Variants in UST observed in about 807,000 individuals in gnomAD.
UST encodes the protein uronyl 2-sulfotransferase, also known as chondroitin sulfate 2-O-sulfotransferase.
Under a neutral mutation model 45.6 loss-of-function variants are expected in UST, and 21 were observed. That is an observed-to-expected ratio of 0.46 (90% confidence interval 0.33 to 0.66). UST has a LOEUF of 0.66. UST is among the 30% of genes least tolerant of loss of function. UST has a pLI of 0.02. For missense variants in UST, 463 were observed against 512.4 expected, an observed-to-expected ratio of 0.90 and a Z score of 0.93; for synonymous variants, 215 against 200.6, an observed-to-expected ratio of 1.07 and a Z score of -0.61.
intron 1 of UST, among the ~76,000 whole-genome samples, chr6:148,802,676 T>G (rs1562262539): frequency 6.6e-6 from 1 of 152,138 alleles, no homozygotes; most frequent in Non-Finnish European, 1.5e-5. Flanking sequence ...AGGGCCAGGG[T>G]GGGAGGAAAT....
chr6:148,956,477 C>A (rs753466169), intron 4 of UST, among the ~76,000 whole-genome samples: 1 of 152,096 alleles, frequency 6.6e-6, no homozygotes, highest in Non-Finnish European at 1.5e-5. Context: ...GGGGAAACCA[C>A]CCCATGATTC....
chr6:148,978,711 T>C (rs1781071603), intron 5 of UST, among the ~76,000 whole-genome samples: 1 of 152,032 alleles, frequency 6.6e-6, no homozygotes, highest in Non-Finnish European at 1.5e-5. Flanking sequence ...TTAGGACAAA[T>C]ACCTAATACA....
intron 1 of UST, among the ~76,000 whole-genome samples, chr6:148,809,272 TA>T (rs1270066343): frequency 2.6e-5 from 4 of 152,122 alleles, no homozygotes; most frequent in Admixed American, 6.5e-5. Context: ...TCAGAAGTCT[TA>T]ATCTGTCACA....
At chr6:148,846,587 T>TA (rs1582848699) in intron 1 of UST, among the ~76,000 whole-genome samples, 1 of 150,378 alleles carries the variant, frequency 6.6e-6, no homozygotes, top group Non-Finnish European at 1.5e-5. Flanking sequence ...CCCTAAAACT[T>TA]AAAGTATAAT....
chr6:148,977,644 C>T (rs1427329555), intron 5 of UST, among the ~76,000 whole-genome samples: 5 of 149,742 alleles, frequency 3.3e-5, no homozygotes, highest in African/African-American at 9.9e-5. Context: ...CCCAGCTACT[C>T]GGGAGGCTGA....
chr6:148,841,734 A>C (rs1041897058), intron 1 of UST, among the ~76,000 whole-genome samples: 1 of 152,220 alleles, frequency 6.6e-6, no homozygotes, highest in African/African-American at 2.4e-5. Flanking sequence ...TAAGTCTCTG[A>C]AGAATAAGAA....
At chr6:148,840,309 T>C (rs1777865082) in intron 1 of UST, among the ~76,000 whole-genome samples, 1 of 152,166 alleles carries the variant, frequency 6.6e-6, no homozygotes, top group Non-Finnish European at 1.5e-5. Flanking sequence ...CTCAGCCCCA[T>C]GTGAATCCAA....
intron 7 of UST, among the ~76,000 whole-genome samples, chr6:149,022,777 G>A (rs969786457): frequency 1.3e-5 from 2 of 152,132 alleles, no homozygotes; most frequent in East Asian, 1.9e-4. Context: ...GGTCAAGGTG[G>A]CCCTACCACC....
chr6:148,828,638 GGAGAGAGGACTAAATGAATTT>G (rs1452241525), intron 1 of UST, among the ~76,000 whole-genome samples: 1 of 152,180 alleles, frequency 6.6e-6, no homozygotes, highest in African/African-American at 2.4e-5. Context: ...CCTGTAAAAT[GGAGAGAGGACTAAATGAATTT>G]ATGCACATAA....
At chr6:148,943,623 G>A (rs1019287432) in intron 3 of UST, among the ~76,000 whole-genome samples, 1 of 152,176 alleles carries the variant, frequency 6.6e-6, no homozygotes. Context: ...TGGTTGGCTT[G>A]TCTGGAAGCC....
At chr6:148,962,944 T>A (rs1780695175) in intron 4 of UST, among the ~76,000 whole-genome samples, 1 of 152,268 alleles carries the variant, frequency 6.6e-6, no homozygotes, top group South Asian at 2.1e-4. Context: ...CGTTAACAAC[T>A]GAGAGGCACA....
At chr6:149,033,533 T>C (rs1394450985) in intron 7 of UST, among the ~76,000 whole-genome samples, 1 of 152,180 alleles carries the variant, frequency 6.6e-6, no homozygotes, top group African/African-American at 2.4e-5. Context: ...TTGCTGGGGA[T>C]TTTTATGTGT....
rs1003339410 is a variant in UST at position 149,005,185 on chromosome 6, T to A, written c.682-13954T>A. 4 of 483,814 alleles carry A rather than the reference T, an allele frequency of 8.3e-6. No individual in the cohort carries two copies. In the African/African-American group the frequency reaches 8.4e-5, roughly 10 times the overall value. 30.0% of individuals were successfully genotyped at this position (483,814 alleles called of 1,614,324 possible). A position where few individuals can be genotyped will look rare whatever the true frequency, so the allele number is the denominator to read the frequency against. On this transcript the variant is annotated intron_variant, in intron 5 of 7. Transcript: ENST00000367463. Reference sequence around the variant, plus strand: ...CAGGCGAAGCAGAGCTCTTCTGGCTTGGGTAGGGCAGGAGGTCTTGGAGCC... The same window carrying A: ...CAGGCGAAGCAGAGCTCTTCTGGCTAGGGTAGGGCAGGAGGTCTTGGAGCC...
At chr6:149,031,632 T>TC (rs1320604930) in intron 7 of UST, among the ~76,000 whole-genome samples, 2 of 152,250 alleles carry the variant, frequency 1.3e-5, no homozygotes, top group Non-Finnish European at 2.9e-5. Flanking sequence ...AAATAGAACT[T>TC]CCTTCACAGA....
At chr6:148,838,525 T>C (rs1777833367) in intron 1 of UST, among the ~76,000 whole-genome samples, 1 of 150,636 alleles carries the variant, frequency 6.6e-6, no homozygotes, top group African/African-American at 2.5e-5. Flanking sequence ...CCTGGGATGC[T>C]GTTGCTGTTG....
intron 5 of UST, among the ~76,000 whole-genome samples, chr6:149,016,969 A>G (rs1764722119): frequency 6.6e-6 from 1 of 152,218 alleles, no homozygotes; most frequent in Admixed American, 6.5e-5. Context: ...GACACCCTCA[A>G]ATGTGAGCAG....
intron 5 of UST, among the ~76,000 whole-genome samples, chr6:148,969,642 C>T (rs1475995089): frequency 6.6e-6 from 1 of 152,184 alleles, no homozygotes; most frequent in Non-Finnish European, 1.5e-5. Flanking sequence ...CCGTTACTGG[C>T]TCCACATGAC....
At chr6:148,963,478 T>A (rs1780712519) in intron 4 of UST, among the ~76,000 whole-genome samples, 1 of 152,226 alleles carries the variant, frequency 6.6e-6, no homozygotes, top group South Asian at 2.1e-4. Flanking sequence ...ATCACTCTGC[T>A]TCGGGAAGAC....
chr6:148,815,930 C>T (rs1318136544), intron 1 of UST, among the ~76,000 whole-genome samples: 1 of 152,156 alleles, frequency 6.6e-6, no homozygotes, highest in Non-Finnish European at 1.5e-5. Flanking sequence ...TCATTATACT[C>T]AGCTTCCCAC....
Sources: gnomAD v4.1 joint callset for allele counts (sites outside exome capture counted in the v4.1 genomes callset) on GRCh38, gnomAD v4.1.1 for gene constraint, MANE v1.5 for transcripts, NCBI Gene and HGNC (gene_info 2026-07-23, HGNC 2026-07-21) for gene names.